The following ZNF184 variants were observed in gnomAD, a reference collection of about 807,000 sequenced individuals.
The protein encoded by ZNF184 is zinc finger protein 184 (Kruppel-like).
Under a neutral mutation model 54.4 loss-of-function variants are expected in ZNF184, and 16 were observed. That is an observed-to-expected ratio of 0.29 (90% CI 0.20 to 0.45). The LOEUF is 0.45. Ranked by LOEUF, ZNF184 falls within the 20% of genes least tolerant of loss-of-function variation. ZNF184 has a pLI of 1.00. For missense variants in ZNF184, 681 were observed against 888.2 expected, an observed-to-expected ratio of 0.77 and a Z score of 2.97; for synonymous variants, 254 against 295.3, an observed-to-expected ratio of 0.86 and a Z score of 1.43.
intron 4 of ZNF184, 100 bp downstream of exon 4, chr6:27,457,183 A>C (rs1459364240): frequency 2.1e-6 from 3 of 1,456,010 alleles, no homozygotes; most frequent in Non-Finnish European, 2.8e-6. Flanking sequence ...GAAATTTAGA[A>C]ATGGTTGGTT....
At chr6:27,471,235 G>A (rs939512409) in intron 2 of ZNF184, among the ~76,000 whole-genome samples, 1 of 152,122 alleles carries the variant, frequency 6.6e-6, no homozygotes, top group Non-Finnish European at 1.5e-5. Flanking sequence ...TCCGCTAGTG[G>A]CATTAAGTTA....
Position 27,472,624 on chromosome 6 carries a change from G to A in ZNF184, c.-140+105C>T. 3.0e-6 allele frequency: 1 copy of A among 330,420 alleles called. No homozygotes were observed. Among genetic ancestry groups the A allele is most frequent in the South Asian group, 3.9e-5 (1 of 25,612 alleles). 20.5% of individuals were successfully genotyped at this position (330,420 alleles called of 1,614,324 possible). A position where few individuals can be genotyped will look rare whatever the true frequency, so the allele number is the denominator to read the frequency against. ...CTGCTTCAGATCCAAAAAACCCTTG[G>A]TGCCCACCCTAGAATCTGGCCGGGG... On this transcript the variant is annotated intron_variant, in intron 1 of 5. Coordinates refer to ENST00000683788, the MANE Select transcript of ZNF184 (RefSeq NM_001318891.2). This position sits in a 1 kb window ranked among gnomAD's most constrained non-coding sequence, Gnocchi z 4.8.
chr6:27,411,448 G>A, the ZNF184 span, among the ~76,000 whole-genome samples: 1 of 152,198 alleles, frequency 6.6e-6, no homozygotes, highest in Non-Finnish European at 1.5e-5. Context: ...CCTTAAAGTG[G>A]TATTGTTACT....
the ZNF184 span, among the ~76,000 whole-genome samples, chr6:27,425,634 T>C: frequency 1.4e-4 from 21 of 151,966 alleles, no homozygotes; most frequent in Non-Finnish European, 2.9e-4. Flanking sequence ...GCAATAAACT[T>C]AAAAAAAATG....
chr6:27,416,875 A>G, the ZNF184 span, among the ~76,000 whole-genome samples: 1 of 152,196 alleles, frequency 6.6e-6, no homozygotes, highest in Admixed American at 6.5e-5. Context: ...ATTCCATTTT[A>G]TAATAATATT....
the ZNF184 span, chr6:27,404,901 C>T: frequency 6.6e-6 from 1 of 152,044 alleles, no homozygotes; most frequent in Non-Finnish European, 1.5e-5. Context: ...CCTATATTCC[C>T]AGCTACTTGG....
At chr6:27,430,082 T>C in the ZNF184 span, among the ~76,000 whole-genome samples, 1 of 152,306 alleles carries the variant, frequency 6.6e-6, no homozygotes, top group South Asian at 2.1e-4. Flanking sequence ...GGTTTGTTTG[T>C]ACAGATTTCC....
rs752759985 is a variant in ZNF184, at chr6:27,453,506, C to T, written c.299-246G>A. Among the ~76,000 whole-genome samples the T allele has an allele frequency of 1.9e-4, 29 of 152,112 alleles. No homozygotes were observed. The highest frequency in any genetic ancestry group is 3.1e-4 in the African/African-American group (13 of 41,406). ...ATCTTCAAGAACCAGTAAGGAAATA[C>T]ATTTAAGGTAATAGTTGACTAAAAA... On this transcript the variant is annotated intron_variant, in intron 5 of 5. Transcript: ENST00000683788. The surrounding 1 kb of genome is among the most constrained non-coding windows in gnomAD (Gnocchi z 4.7).
the ZNF184 span, among the ~76,000 whole-genome samples, chr6:27,437,379 G>C: frequency 2.0e-5 from 3 of 152,168 alleles, no homozygotes. Flanking sequence ...TTAGAGCTGA[G>C]ACCAACCTCT....
chr6:27,467,794 CAAAAA>C, intron 3 of ZNF184, 54 bp downstream of exon 3: 1 of 1,516,106 alleles, frequency 6.6e-7, no homozygotes, highest in Non-Finnish European at 8.9e-7. Flanking sequence ...CAAAACAAAA[CAAAAA>C]ACCACAATCA....
chr6:27,453,096 CCTG>C lies in ZNF184; in HGVS notation c.460_462del (p.Gln154del). ...TCCTTTGGCAGTGTCTGTTGGTTTGCCTGCTGTCTCTCTAAACTGCCTTCATAT... is the reference window on the plus strand; with the variant it reads ...TCCTTTGGCAGTGTCTGTTGGTTTGCCTGTCTCTCTAAACTGCCTTCATAT... On this transcript the variant is annotated inframe_deletion, in exon 6 of 6. Coordinates refer to ENST00000683788, the MANE Select transcript of ZNF184 (RefSeq NM_001318891.2). This position sits in a 1 kb window ranked among gnomAD's most constrained non-coding sequence, Gnocchi z 4.7. 1 of 1,614,008 alleles carries C rather than the reference CCTG, an allele frequency of 6.2e-7. No individual in the cohort carries two copies. The highest frequency in any genetic ancestry group is 1.3e-5 in the African/African-American group (1 of 74,996).
the ZNF184 span, among the ~76,000 whole-genome samples, chr6:27,444,768 C>T: frequency 6.6e-6 from 1 of 152,310 alleles, no homozygotes; most frequent in Non-Finnish European, 1.5e-5. Flanking sequence ...GGGTACCACA[C>T]TCTGCTGATT....
chr6:27,437,134 T>G, the ZNF184 span, among the ~76,000 whole-genome samples: 1 of 152,366 alleles, frequency 6.6e-6, no homozygotes, highest in Admixed American at 6.5e-5. Context: ...CCCTTCCGTT[T>G]CTAGTATTAC....
Position 27,453,282 on chromosome 6 carries a change from A to G in ZNF184, c.299-22T>C, listed in dbSNP as rs377728179. On this transcript the variant is annotated intron_variant, in intron 5 of 5. Transcript: ENST00000683788. The surrounding 1 kb of genome is among the most constrained non-coding windows in gnomAD (Gnocchi z 4.7). ...CAGTCTAAAAGAAAAAGAAAATTCC[A>G]GTGTTCTCTGAATAGAGAAAAAATA... 4.2e-5 allele frequency: 65 copies of G among 1,555,256 alleles called. No homozygotes were observed. The African/African-American group carries it at 8.3e-4, about 20-fold the overall frequency.
rs926117310 is a variant in ZNF184, at chr6:27,450,984, T to C, written c.*319A>G. 1.5e-4 allele frequency: 33 copies of C among 224,474 alleles called. 1 individual carries two copies. Among genetic ancestry groups the C allele is most frequent in the African/African-American group, 7.6e-4 (33 of 43,524 alleles). The allele number at this position is 224,474 out of a possible 1,614,324, so 13.9% of individuals were successfully genotyped here. A position where few individuals can be genotyped will look rare whatever the true frequency, so the allele number is the denominator to read the frequency against. On this transcript the variant is annotated 3_prime_UTR_variant, in exon 6 of 6. Coordinates refer to ENST00000683788, the MANE Select transcript of ZNF184 (RefSeq NM_001318891.2). ...TGCAACACAGCAAAATGCTGATGTA[T>C]AGTAAACCCATTCAAGAAAATATTG...
chr6:27,467,794 CA>C, intron 3 of ZNF184, 58 bp downstream of exon 3: 3 of 1,516,104 alleles, frequency 2.0e-6, no homozygotes, highest in Non-Finnish European at 2.7e-6. Flanking sequence ...CAAAACAAAA[CA>C]AAAAACCACA....
chr6:27,406,349 G>A, the ZNF184 span: 1 of 152,220 alleles, frequency 6.6e-6, no homozygotes, highest in Non-Finnish European at 1.5e-5. Flanking sequence ...GTGCATAAGT[G>A]GAGAGCCAAG....
At chr6:27,426,352 G>A in the ZNF184 span, among the ~76,000 whole-genome samples, 1 of 152,178 alleles carries the variant, frequency 6.6e-6, no homozygotes, top group African/African-American at 2.4e-5. This position sits in a 1 kb window ranked among gnomAD's most constrained non-coding sequence, Gnocchi z 4.2. Context: ...TGCAGCATCT[G>A]CGGCCTGTGC....
chr6:27,411,053 A>T, the ZNF184 span, among the ~76,000 whole-genome samples: 2 of 152,046 alleles, frequency 1.3e-5, no homozygotes, highest in Admixed American at 1.3e-4. Flanking sequence ...TTATAAAGAA[A>T]TTTTTTTCTC....
Sources: allele counts gnomAD v4.1 joint callset (sites outside exome capture counted in the v4.1 genomes callset), GRCh38; gene constraint gnomAD v4.1.1; non-coding constraint Gnocchi (gnomAD v3.1); transcripts MANE v1.5; gene names NCBI Gene and HGNC (gene_info 2026-07-23, HGNC 2026-07-21).